Variants in PKNOX2 observed in about 807,000 individuals in gnomAD.
PKNOX2 encodes PBX/knotted 1 homeobox 2.
A neutral mutation model predicts 53.1 loss-of-function variants in PKNOX2; 14 were observed. The ratio of observed to expected loss-of-function variants is 0.26; its 90% CI spans 0.17 to 0.41. The LOEUF (loss-of-function observed/expected upper bound fraction) is 0.41, where lower values mean the gene tolerates loss of function less well. Among genes scored for constraint, PKNOX2 ranks in the 10% least tolerant of loss-of-function variants. The pLI, the probability that PKNOX2 is intolerant of heterozygous loss-of-function variation, is 1.00. For missense variants in PKNOX2, 496 were observed against 602.8 expected (o/e 0.82, Z 1.85); for synonymous variants, 257 against 242.8 (o/e 1.06, Z -0.54).
At chr11:125,416,933 G>A (rs1955917040) in intron 10 of PKNOX2, among the ~76,000 whole-genome samples, 1 of 152,032 alleles carries the variant, frequency 6.6e-6, no homozygotes, top group African/African-American at 2.4e-5. Context: ...TCAGATGATA[G>A]AAGGCTCCTG....
chr11:125,414,447 T>C (rs562995940), intron 10 of PKNOX2, among the ~76,000 whole-genome samples: 2 of 152,256 alleles, frequency 1.3e-5, no homozygotes, highest in Admixed American at 1.3e-4. Flanking sequence ...GAGTGGCCAC[T>C]GGGCCTCTAA....
In PKNOX2 at chr11:125,410,267, C is replaced by T. The variant is rs1235404001; in HGVS notation, c.660C>T (p.Ala220=). 3 of 1,614,108 alleles carry T rather than the reference C, an allele frequency of 1.9e-6. No individual in the cohort carries two copies. Among genetic ancestry groups the T allele is most frequent in the East Asian group, 2.2e-5 (1 of 44,852 alleles). The change falls in exon 8 of 13, where the codon GCC becomes GCT. Residue 220 remains alanine, a synonymous_variant. Coordinates refer to ENST00000298282, the MANE Select transcript of PKNOX2 (RefSeq NM_001382323.2). ...ACCCCCAGGGGATTGTGGTCCCAGC[C>T]TCAGCGCTCCAGCAGGGCAACATCG... is the stretch of plus-strand genomic sequence containing the variant. ...SNNPQGIVVP[A]SALQQGNIAM... is the part of the protein sequence containing the mutation.
chr11:125,306,579 A>T (rs1261123415), intron 2 of PKNOX2, among the ~76,000 whole-genome samples: 1 of 152,268 alleles, frequency 6.6e-6, no homozygotes. Flanking sequence ...ATTAACATTA[A>T]CATTTCCCAG....
chr11:125,190,351 A>G (rs2135341416), intron 1 of PKNOX2, among the ~76,000 whole-genome samples: 1 of 152,312 alleles, frequency 6.6e-6, no homozygotes, highest in East Asian at 1.9e-4. Context: ...TCCCAGTGCC[A>G]CTAGCCTAGC....
chr11:125,311,521 C>T (rs116297831), intron 2 of PKNOX2, among the ~76,000 whole-genome samples: 31 of 152,228 alleles, frequency 2.0e-4, no homozygotes, highest in African/African-American at 6.3e-4. Context: ...AGAAGGAGAG[C>T]CCATGTCTGC....
At chr11:125,350,436 C>A (rs943269557) in intron 3 of PKNOX2, among the ~76,000 whole-genome samples, 2 of 152,156 alleles carry the variant, frequency 1.3e-5, no homozygotes, top group African/African-American at 4.8e-5. Context: ...AACCCCCGCC[C>A]TCCCATACAC....
At chr11:125,277,175 G>C (rs1417365648) in intron 2 of PKNOX2, among the ~76,000 whole-genome samples, 1 of 152,198 alleles carries the variant, frequency 6.6e-6, no homozygotes, top group East Asian at 1.9e-4. Flanking sequence ...TCAGTTAGTG[G>C]TGTGCCAAAA....
At chr11:125,201,308 T>C (rs1489906693) in intron 1 of PKNOX2, among the ~76,000 whole-genome samples, 1 of 152,090 alleles carries the variant, frequency 6.6e-6, no homozygotes, top group African/African-American at 2.4e-5. Context: ...CCTAGAGCCT[T>C]TGGCCTGATG....
Position 125,433,070 on chromosome 11 carries a change from C to T in PKNOX2, c.*1678C>T, listed in dbSNP as rs1298959742. The T allele has an allele frequency of 6.5e-6, 1 of 152,674 alleles. No homozygotes were observed. 9.5% of individuals were successfully genotyped at this position (152,674 alleles called of 1,614,324 possible). A position where few individuals can be genotyped will look rare whatever the true frequency, so the allele number is the denominator to read the frequency against. The stretch of plus-strand genomic sequence containing the variant: ...ATCTGGGTGATCCAATCATTTTTTA[C>T]TCCCTTTTGATGCCATACATAGAGG... On this transcript the variant is annotated 3_prime_UTR_variant, in exon 13 of 13. Transcript: ENST00000298282.
chr11:125,378,654 C>T (rs1229711478), intron 5 of PKNOX2, among the ~76,000 whole-genome samples: 1 of 152,158 alleles, frequency 6.6e-6, no homozygotes, highest in African/African-American at 2.4e-5. Flanking sequence ...CTTGGCTGGA[C>T]CCATAATTGA....
At chr11:125,300,842 G>A (rs1198782915) in intron 2 of PKNOX2, among the ~76,000 whole-genome samples, 1 of 152,204 alleles carries the variant, frequency 6.6e-6, no homozygotes, top group Non-Finnish European at 1.5e-5. Flanking sequence ...GCTACTTGGA[G>A]CCAGAACACA....
intron 1 of PKNOX2, among the ~76,000 whole-genome samples, chr11:125,202,788 T>C (rs1938601994): frequency 6.6e-6 from 1 of 152,212 alleles, no homozygotes; most frequent in South Asian, 2.1e-4. Context: ...AGAGCATTTT[T>C]AAAGCTTTGT....
chr11:125,260,509 T>A (rs1438438215), intron 2 of PKNOX2, among the ~76,000 whole-genome samples: 1 of 152,198 alleles, frequency 6.6e-6, no homozygotes, highest in African/African-American at 2.4e-5. Flanking sequence ...TTTTATGGTT[T>A]TTTTTAATCA....
At chr11:125,211,518 G>A (rs1481134416) in intron 1 of PKNOX2, among the ~76,000 whole-genome samples, 1 of 152,092 alleles carries the variant, frequency 6.6e-6, no homozygotes, top group African/African-American at 2.4e-5. Flanking sequence ...TGCTTTGAAG[G>A]GAAAACAAAG....
intron 2 of PKNOX2, among the ~76,000 whole-genome samples, chr11:125,251,399 A>T (rs1943982320): frequency 6.6e-6 from 1 of 152,136 alleles, no homozygotes; most frequent in Admixed American, 6.5e-5. Flanking sequence ...TTAAAGGCTA[A>T]TGTATTCTCA....
chr11:125,197,728 C>T (rs564890045), intron 1 of PKNOX2, among the ~76,000 whole-genome samples: 2 of 152,284 alleles, frequency 1.3e-5, no homozygotes, highest in African/African-American at 4.8e-5. Context: ...GCTGGAAAGT[C>T]CCCAAGGGGA....
At chr11:125,266,451 G>A (rs113871597) in intron 2 of PKNOX2, among the ~76,000 whole-genome samples, 3 of 152,218 alleles carry the variant, frequency 2.0e-5, no homozygotes, top group African/African-American at 7.2e-5. Flanking sequence ...ATGCCTGCGA[G>A]ACAGAGGCTG....
At chr11:125,255,130 A>G (rs192764230) in intron 2 of PKNOX2, among the ~76,000 whole-genome samples, 1 of 152,214 alleles carries the variant, frequency 6.6e-6, no homozygotes, top group Non-Finnish European at 1.5e-5. Flanking sequence ...CCCAGGAGGG[A>G]AAGTGACTAT....
chr11:125,316,634 GT>G (rs1949213681), intron 2 of PKNOX2, among the ~76,000 whole-genome samples: 1 of 152,184 alleles, frequency 6.6e-6, no homozygotes, highest in Non-Finnish European at 1.5e-5. Flanking sequence ...AGTCTATTAA[GT>G]GTGGAATAGC....
Sources: gnomAD v4.1 joint callset for allele counts (sites outside exome capture counted in the v4.1 genomes callset) on GRCh38, gnomAD v4.1.1 for gene constraint, MANE v1.5 for transcripts, NCBI Gene and HGNC (gene_info 2026-07-23, HGNC 2026-07-21) for gene names.